The following NLGN1 variants were observed in gnomAD, a reference collection of about 807,000 sequenced individuals.
The protein encoded by NLGN1 is neuroligin-1.
Under a neutral mutation model 65.5 loss-of-function variants are expected in NLGN1, and 12 were observed. The observed-to-expected ratio is 0.18, with a 90% confidence interval of 0.12 to 0.30. The LOEUF is 0.30. Ranked by LOEUF, NLGN1 falls within the 10% of genes least tolerant of loss-of-function variation. The pLI, the probability that NLGN1 is intolerant of heterozygous loss-of-function variation, is 1.00. For missense variants in NLGN1, 750 were observed against 1,007.1 expected, an observed-to-expected ratio of 0.74 and a Z score of 3.46; for synonymous variants, 350 against 359.5, an observed-to-expected ratio of 0.97 and a Z score of 0.30.
At chr3:173,862,332 C>A (rs1247593355) in intron 4 of NLGN1, among the ~76,000 whole-genome samples, 5 of 150,748 alleles carry the variant, frequency 3.3e-5, no homozygotes, top group Non-Finnish European at 7.4e-5. Context: ...CGGTGAAACC[C>A]CGTCTTTACT....
chr3:173,760,685 A>G (rs57082249), intron 3 of NLGN1, among the ~76,000 whole-genome samples: 2,476 of 152,118 alleles, frequency 0.016, 75 homozygotes, highest in African/African-American at 0.056. Flanking sequence ...CATGAATGAT[A>G]TAGATAAATT....
intron 4 of NLGN1, among the ~76,000 whole-genome samples, chr3:173,870,854 C>T (rs1731042964): frequency 6.6e-6 from 1 of 152,090 alleles, no homozygotes; most frequent in Non-Finnish European, 1.5e-5. Flanking sequence ...ATCTTAAACT[C>T]CAATATTTGG....
chr3:173,670,826 A>C (rs1762348495), intron 3 of NLGN1, among the ~76,000 whole-genome samples: 1 of 152,048 alleles, frequency 6.6e-6, no homozygotes, highest in Non-Finnish European at 1.5e-5. Context: ...GAAGTTCTTA[A>C]AGTTCTTAGC....
At chr3:173,746,810 A>C (rs1218543691) in intron 3 of NLGN1, among the ~76,000 whole-genome samples, 2 of 151,984 alleles carry the variant, frequency 1.3e-5, no homozygotes, top group Non-Finnish European at 2.9e-5. Flanking sequence ...TGGGAGGCTG[A>C]GGCAAGAGGA....
chr3:173,889,442 GA>G (rs1734935845), intron 4 of NLGN1, among the ~76,000 whole-genome samples: 2 of 152,076 alleles, frequency 1.3e-5, no homozygotes, highest in African/African-American at 4.8e-5. Context: ...GTCAGTGTAG[GA>G]ATTCCAAGGA....
chr3:173,974,751 C>T (rs573787061), intron 4 of NLGN1, among the ~76,000 whole-genome samples: 29 of 152,158 alleles, frequency 1.9e-4, no homozygotes, highest in African/African-American at 6.0e-4. Context: ...CTTTACAGTA[C>T]TTCCTACAGC....
At chr3:173,670,165 T>C (rs768745537) in intron 3 of NLGN1, among the ~76,000 whole-genome samples, 3 of 152,084 alleles carry the variant, frequency 2.0e-5, no homozygotes, top group African/African-American at 4.8e-5. Flanking sequence ...GTCATCATTA[T>C]CCTGAGAACA....
intron 4 of NLGN1, among the ~76,000 whole-genome samples, chr3:173,849,885 T>G (rs1304845177): frequency 6.6e-6 from 1 of 152,306 alleles, no homozygotes; most frequent in East Asian, 1.9e-4. Context: ...TGATTCATAG[T>G]TCATTGATAC....
rs143308093 is a variant in NLGN1 at position 173,703,573 on chromosome 3, T to C, written c.493+98482T>C. Among the ~76,000 whole-genome samples the C allele has an allele frequency of 2.8e-3, 432 of 152,334 alleles. 2 individuals are homozygous for C. The highest frequency in any genetic ancestry group is 2.8e-3 in the Non-Finnish European group (192 of 68,020). On this transcript the variant is annotated intron_variant, in intron 3 of 6. Transcript: ENST00000457714. ...AGTAAATATTACAGTTGGCAAAAGC[T>C]TAAAATTGCTTCCAAAAATAATTTT... is the stretch of plus-strand genomic sequence containing the variant.
At chr3:174,005,790 CTT>C (rs1467646868) in intron 4 of NLGN1, among the ~76,000 whole-genome samples, 1 of 151,792 alleles carries the variant, frequency 6.6e-6, no homozygotes, top group Non-Finnish European at 1.5e-5. Context: ...CCTGGGGTCT[CTT>C]TTATTTACTA....
intron 1 of NLGN1, among the ~76,000 whole-genome samples, chr3:173,421,892 G>A (rs1715127857): frequency 6.6e-6 from 1 of 152,008 alleles, no homozygotes; most frequent in Non-Finnish European, 1.5e-5. Context: ...TAGTGTCTTA[G>A]TCATTCTTTG....
At chr3:173,912,719 CTA>C (rs1739872066) in intron 4 of NLGN1, 1 of 152,048 alleles carries the variant, frequency 6.6e-6, no homozygotes. Context: ...AAAAACGTGA[CTA>C]TGGGAGAAAT....
chr3:174,071,199 A>T (rs1337795299), intron 4 of NLGN1, among the ~76,000 whole-genome samples: 1 of 152,212 alleles, frequency 6.6e-6, no homozygotes, highest in East Asian at 1.9e-4. Context: ...TAGTTTTTTG[A>T]CACTTTAGCA....
intron 4 of NLGN1, among the ~76,000 whole-genome samples, chr3:174,145,242 C>G (rs1367194633): frequency 6.6e-6 from 1 of 152,052 alleles, no homozygotes; most frequent in Admixed American, 6.6e-5. Flanking sequence ...CGGTCAGGAA[C>G]AGTGTCTCAC....
chr3:174,126,820 T>A (rs552683210), intron 4 of NLGN1, among the ~76,000 whole-genome samples: 1 of 152,178 alleles, frequency 6.6e-6, no homozygotes, highest in Non-Finnish European at 1.5e-5. Context: ...ATTTACACAA[T>A]ACTTACTAAA....
At chr3:174,052,207 G>A (rs1172002378) in intron 4 of NLGN1, among the ~76,000 whole-genome samples, 2 of 150,528 alleles carry the variant, frequency 1.3e-5, no homozygotes, top group East Asian at 3.9e-4. Flanking sequence ...ATTTCAATCT[G>A]GGGGGAAAGG....
At chr3:173,639,629 T>A (rs1560091868) in intron 3 of NLGN1, among the ~76,000 whole-genome samples, 1 of 152,166 alleles carries the variant, frequency 6.6e-6, no homozygotes, top group South Asian at 2.1e-4. Flanking sequence ...GACTTAGCAA[T>A]TGTTTTGGAC....
chr3:173,599,807 A>G (rs1750125798), intron 2 of NLGN1, among the ~76,000 whole-genome samples: 1 of 152,110 alleles, frequency 6.6e-6, no homozygotes, highest in African/African-American at 2.4e-5. Context: ...CCTAAAATCA[A>G]CACTTACAGC....
At chr3:173,445,266 T>G (rs1719999399) in intron 2 of NLGN1, among the ~76,000 whole-genome samples, 1 of 27,582 alleles carries the variant, frequency 3.6e-5, no homozygotes, top group Non-Finnish European at 6.2e-5. Flanking sequence ...AGACTCCGTC[T>G]CAAAAAAAAA....
Sources: allele counts gnomAD v4.1 joint callset (sites outside exome capture counted in the v4.1 genomes callset), GRCh38; gene constraint gnomAD v4.1.1; transcripts MANE v1.5; gene names NCBI Gene and HGNC (gene_info 2026-07-23, HGNC 2026-07-21).